DOCK8: variants seen among roughly 807,000 people sequenced by gnomAD.
The protein encoded by DOCK8 is dedicator of cytokinesis protein 8.
A neutral mutation model predicts 245.6 loss-of-function variants in DOCK8; 141 were observed. The observed-to-expected ratio is 0.57, with a 90% CI of 0.50 to 0.66. The LOEUF (loss-of-function observed/expected upper bound fraction) is 0.66. Ranked by LOEUF, DOCK8 falls within the 30% of genes least tolerant of loss-of-function variation. The pLI, the probability that DOCK8 is intolerant of heterozygous loss-of-function variation, is 0.00. For missense variants in DOCK8, 2,965 were observed against 2,603.4 expected (o/e 1.14, Z -3.02); for synonymous variants, 1,168 against 970.2 (o/e 1.20, Z -3.79).
chr9:455,782 A>G (rs890143406), intron 46 of DOCK8, among the ~76,000 whole-genome samples: 2 of 151,912 alleles, frequency 1.3e-5, no homozygotes, highest in Non-Finnish European at 2.9e-5. Flanking sequence ...AAATAAATAA[A>G]TAAATAATAA....
At chr9:395,653 C>A (rs1030772620) in intron 24 of DOCK8, among the ~76,000 whole-genome samples, 3 of 151,958 alleles carry the variant, frequency 2.0e-5, no homozygotes, top group African/African-American at 7.3e-5. Flanking sequence ...TCTAGTCTTC[C>A]CCATGTTCCT....
intron 12 of DOCK8, among the ~76,000 whole-genome samples, chr9:338,379 G>C (rs1200426063): frequency 6.6e-6 from 1 of 152,096 alleles, no homozygotes; most frequent in African/African-American, 2.4e-5. Flanking sequence ...GGTCTGAAAA[G>C]GTTTCTATTC....
chr9:276,711 C>T (rs928354889), intron 2 of DOCK8, among the ~76,000 whole-genome samples: 7 of 152,192 alleles, frequency 4.6e-5, no homozygotes, highest in African/African-American at 1.7e-4. Context: ...AATAGATTAA[C>T]CAGAGACCCT....
rs557829061 is a variant in DOCK8 at position 412,944 on chromosome 9, T to G, written c.3531-1838T>G. On this transcript the variant is annotated intron_variant, in intron 28 of 47. Coordinates refer to ENST00000432829, the MANE Select transcript of DOCK8 (RefSeq NM_203447.4). ...TCGTGTGGAAATTCAAGGGACCCAG[T>G]ATAGCCAAAACAACCTTGAAAAACA... 4.9e-4 allele frequency among the ~76,000 whole-genome samples: 74 copies of G among 151,184 alleles called. 1 individual carries two copies. The highest frequency in any genetic ancestry group is 3.3e-3 in the South Asian group (16 of 4,800).
chr9:311,285 TAA>T (rs57814753), intron 5 of DOCK8, among the ~76,000 whole-genome samples: 11 of 141,656 alleles, frequency 7.8e-5, no homozygotes, highest in Admixed American at 1.4e-4. Flanking sequence ...ACTCGGTCTT[TAA>T]AAAAAAAAAA....
At chr9:284,506 C>T (rs532299546) in intron 2 of DOCK8, 1 of 152,372 alleles carries the variant, frequency 6.6e-6, no homozygotes, top group East Asian at 1.9e-4. Flanking sequence ...GCTTTGCTCT[C>T]AGCTACTGAG....
At chr9:273,963 C>T (rs535875334) in intron 2 of DOCK8, among the ~76,000 whole-genome samples, 1 of 152,274 alleles carries the variant, frequency 6.6e-6, no homozygotes, top group South Asian at 2.1e-4. Flanking sequence ...GCCTAGGCCT[C>T]CCAAAGTGCT....
Position 397,060 on chromosome 9 carries a change from G to T in DOCK8, c.3120+126G>T, listed in dbSNP as rs577613984. 3 of 1,131,740 alleles carry T rather than the reference G, an allele frequency of 2.7e-6. No homozygotes were observed. The East Asian group carries it at 7.7e-5, about 29-fold the overall frequency. 70.1% of individuals were successfully genotyped at this position (1,131,740 alleles called of 1,614,324 possible). On this transcript the variant is annotated intron_variant, in intron 25 of 47. Coordinates refer to ENST00000432829, the MANE Select transcript of DOCK8 (RefSeq NM_203447.4). Reference sequence around the variant, plus strand: ...AATATAACTGTAATGACAGTTAAACGCAGTATGTTATACTGGACTGGACCC... The same window carrying T: ...AATATAACTGTAATGACAGTTAAACTCAGTATGTTATACTGGACTGGACCC...
chr9:310,577 G>T (rs2050060813), intron 5 of DOCK8, among the ~76,000 whole-genome samples: 1 of 152,170 alleles, frequency 6.6e-6, no homozygotes, highest in African/African-American at 2.4e-5. Context: ...TCCTGCCTCA[G>T]CCTCCCAAGT....
chr9:411,800 G>A (rs897644794), intron 28 of DOCK8, among the ~76,000 whole-genome samples: 2 of 152,130 alleles, frequency 1.3e-5, no homozygotes, highest in South Asian at 2.1e-4. Flanking sequence ...AAAATCAATT[G>A]TTGTACCATA....
At chr9:363,144 A>T (rs1289862631) in intron 14 of DOCK8, among the ~76,000 whole-genome samples, 1 of 152,234 alleles carries the variant, frequency 6.6e-6, no homozygotes, top group Non-Finnish European at 1.5e-5. Flanking sequence ...ATCGCTGATG[A>T]TTATCAAATG....
chr9:317,371 G>A (rs2050392621), intron 7 of DOCK8, among the ~76,000 whole-genome samples: 1 of 152,084 alleles, frequency 6.6e-6, no homozygotes, highest in Non-Finnish European at 1.5e-5. Flanking sequence ...CTAAAGTTAG[G>A]CAGGTAAGGT....
chr9:398,604 C>A (rs915511911), intron 25 of DOCK8, among the ~76,000 whole-genome samples: 1 of 151,834 alleles, frequency 6.6e-6, no homozygotes, highest in East Asian at 1.9e-4. Context: ...AGGAATTTAC[C>A]CTACGGAGTG....
rs112502074 is a variant in DOCK8, at chr9:432,589, C to A, written c.4785+265C>A. 0.011 allele frequency among the ~76,000 whole-genome samples: 1,712 copies of A among 152,190 alleles called. 24 individuals are homozygous for A. Among genetic ancestry groups the A allele is most frequent in the African/African-American group, 0.038 (1,583 of 41,540 alleles). On this transcript the variant is annotated intron_variant, in intron 37 of 47. Coordinates refer to ENST00000432829, the MANE Select transcript of DOCK8 (RefSeq NM_203447.4). ...AGGAGGCAGTACAAGACAAGTGATA[C>A]ATAAGTGCAAACTGTGTGGTAAGGA...
intron 39 of DOCK8, among the ~76,000 whole-genome samples, chr9:436,303 A>C (rs1428465170): frequency 6.6e-6 from 1 of 152,266 alleles, no homozygotes; most frequent in African/African-American, 2.4e-5. Flanking sequence ...CTCATCCAAA[A>C]GCATAAAAAT....
chr9:420,956 A>C lies in DOCK8; in HGVS notation c.4031A>C (p.Gln1344Pro), dbSNP rs1163568801. Residue 1344 changes from glutamine to proline, a missense_variant, in exon 32 of 48, where the codon CAG (glutamine) becomes CCG (proline). By Grantham distance (76) the Gln-to-Pro change is moderately conservative. This residue lies in a region of DOCK8 where 2,825 missense variants were observed against 2,453.5 expected (regional missense o/e 1.15). Transcript: ENST00000432829. ...TACCTCTGTCTTGTCCAGGGAAAAC[A>C]GAGTTCTGACAAAGTCAGTACCCAA... ...CVLCFEYKGK[Q>P]SSDKVSTQVL... 1 of 1,614,226 alleles carries C rather than the reference A, an allele frequency of 6.2e-7. No homozygotes were observed. The highest frequency in any genetic ancestry group is 2.2e-5 in the East Asian group (1 of 44,886).
intron 26 of DOCK8, among the ~76,000 whole-genome samples, chr9:403,933 T>TTAAAAAACAA: frequency 1.4e-5 from 1 of 71,480 alleles, no homozygotes; most frequent in African/African-American, 9.0e-5. Flanking sequence ...TATATATGTG[T>TTAAAAAACAA]ATATATATAT....
In DOCK8 at chr9:371,638, A is replaced by G. The variant is rs1271008340; in HGVS notation, c.2007+72A>G. The G allele has an allele frequency of 9.4e-6, 15 of 1,595,276 alleles. No individual in the cohort carries two copies. In the East Asian group the frequency reaches 1.4e-4, roughly 14 times the overall value. On this transcript the variant is annotated intron_variant, in intron 17 of 47. Transcript: ENST00000432829. ...TCTGAGGTCCCTGCAGAGATAAACAACCAAATTCTATTCACTTGATTTTTT... is the reference window on the plus strand; with the variant it reads ...TCTGAGGTCCCTGCAGAGATAAACAGCCAAATTCTATTCACTTGATTTTTT...
intron 8 of DOCK8, among the ~76,000 whole-genome samples, chr9:326,400 A>G (rs10970464): frequency 0.39 from 59,491 of 152,000 alleles, 12,283 homozygotes; most frequent in East Asian, 0.7. Context: ...GCAGAACCCA[A>G]TCTCAGTGGT....
Sources: gnomAD v4.1 joint callset for allele counts (sites outside exome capture counted in the v4.1 genomes callset) on GRCh38, gnomAD v4.1.1 for gene constraint, gnomAD v4.1.1 regional missense constraint, MANE v1.5 for transcripts, NCBI Gene and HGNC (gene_info 2026-07-23, HGNC 2026-07-21) for gene names.